The following ATRX variants were observed in gnomAD, a reference collection of about 807,000 sequenced individuals.
The protein encoded by ATRX is chromatin remodeler ATRX.
ATRX carries 12 observed loss-of-function variants against 172.6 expected under a neutral mutation model. The ratio of observed to expected loss-of-function variants is 0.07; its 90% CI spans 0.04 to 0.11. The LOEUF (loss-of-function observed/expected upper bound fraction) is 0.11. ATRX is among the 10% of genes least tolerant of loss of function. The probability of loss-of-function intolerance (pLI) is 1.00; values close to 1 mark genes in which losing one functional copy is unlikely to be tolerated. For missense variants in ATRX, 1,368 were observed against 1,767.4 expected, an observed-to-expected ratio of 0.77 and a Z score of 4.05; for synonymous variants, 674 against 594.7, an observed-to-expected ratio of 1.13 and a Z score of -1.94.
At chrX:77,767,677 G>A (rs1409801295) in intron 1 of ATRX, among the ~76,000 whole-genome samples, 2 of 111,449 alleles carry the variant, frequency 1.8e-5, no homozygotes, top group Non-Finnish European at 3.8e-5. Flanking sequence ...TTACAGCCAT[G>A]AGCCCCAGTG....
At chrX:77,665,238 T>C (rs2070168263) in intron 10 of ATRX, among the ~76,000 whole-genome samples, 1 of 112,475 alleles carries the variant, frequency 8.9e-6, no homozygotes. Flanking sequence ...CAATGTGTAA[T>C]AAACCACTAT....
intron 27 of ATRX, among the ~76,000 whole-genome samples, chrX:77,582,406 A>T (rs1557074523): frequency 9.0e-6 from 1 of 110,910 alleles, no homozygotes; most frequent in African/African-American, 3.3e-5. Flanking sequence ...TCTCAAAAAA[A>T]AAGAAAAAAA....
intron 1 of ATRX, among the ~76,000 whole-genome samples, chrX:77,758,609 T>A (rs782422064): frequency 9.2e-6 from 1 of 108,754 alleles, no homozygotes; most frequent in Admixed American, 9.9e-5. Context: ...TACAAAAAAA[T>A]TAGCCGGGTG....
At chrX:77,755,909 A>C (rs2148892569) in intron 1 of ATRX, among the ~76,000 whole-genome samples, 1 of 112,401 alleles carries the variant, frequency 8.9e-6, no homozygotes, top group East Asian at 2.8e-4. Context: ...CTTCAGACCT[A>C]GCAGGCAGGA....
At chrX:77,706,144 G>A (rs1313955621) in intron 2 of ATRX, among the ~76,000 whole-genome samples, 8 of 106,743 alleles carry the variant, frequency 7.5e-5, no homozygotes, top group Admixed American at 7.1e-4. Flanking sequence ...ACACCACTAC[G>A]CCTGGCTTTT....
chrX:77,546,706 A>T (rs1397899447), intron 30 of ATRX, among the ~76,000 whole-genome samples: 1 of 110,831 alleles, frequency 9.0e-6, no homozygotes, highest in African/African-American at 3.3e-5. Flanking sequence ...CTGATCCTGA[A>T]CTCCTGGATT....
At chrX:77,654,551 A>G (rs1003071983) in intron 13 of ATRX, among the ~76,000 whole-genome samples, 1 of 111,696 alleles carries the variant, frequency 9.0e-6, no homozygotes, top group Admixed American at 9.5e-5. Context: ...TGTTTTCTTC[A>G]TAACAGGTCA....
chrX:77,593,655 C>G lies in ATRX; in HGVS notation c.6110+41G>C, dbSNP rs1217053699. Reference sequence around the variant, plus strand: ...ATTGTTTAAGCAATAAAAACATAATCAAAAGGTTAATTTATATAATAAATA... The same window carrying G: ...ATTGTTTAAGCAATAAAAACATAATGAAAAGGTTAATTTATATAATAAATA... On this transcript the variant is annotated intron_variant, in intron 26 of 34. Transcript: ENST00000373344. The G allele has an allele frequency of 2.6e-6, 3 of 1,146,803 alleles. No homozygotes were observed. The African/African-American group carries it at 5.4e-5, about 21-fold the overall frequency. The allele number at this position is 1,146,803 out of a possible 1,213,427, so 94.5% of individuals were successfully genotyped here.
intron 34 of ATRX, among the ~76,000 whole-genome samples, chrX:77,512,173 A>AT (rs2062891616): frequency 8.9e-6 from 1 of 111,862 alleles, no homozygotes; most frequent in South Asian, 3.8e-4. Flanking sequence ...GTGACATGAG[A>AT]TATTTAAAAG....
At chrX:77,586,405 G>A (rs1309222268) in intron 27 of ATRX, among the ~76,000 whole-genome samples, 4 of 112,053 alleles carry the variant, frequency 3.6e-5, no homozygotes, top group African/African-American at 9.7e-5. Context: ...AAGATAGTGC[G>A]GGTGGAGAGA....
rs1172712102 is a variant in ATRX, at chrX:77,505,899, T to C, written c.*2452A>G. On this transcript the variant is annotated 3_prime_UTR_variant, in exon 35 of 35. Transcript: ENST00000373344. ...GGAAGAAGTGACATCTTTTCTACAG[T>C]ACTTAAGATACTCAATACAGAACTG... 3 of 168,022 alleles carry C rather than the reference T, an allele frequency of 1.8e-5. No individual in the cohort carries two copies. Among genetic ancestry groups the C allele is most frequent in the Non-Finnish European group, 3.4e-5 (3 of 87,433 alleles). 13.8% of individuals were successfully genotyped at this position (168,022 alleles called of 1,213,427 possible).
intron 15 of ATRX, among the ~76,000 whole-genome samples, chrX:77,646,327 G>C (rs1402233536): frequency 9.0e-6 from 1 of 111,610 alleles, no homozygotes; most frequent in Non-Finnish European, 1.9e-5. Flanking sequence ...ATAGACATCA[G>C]ACAAAATAGA....
At chrX:77,688,352 G>C (rs371982113) in intron 7 of ATRX, among the ~76,000 whole-genome samples, 1 of 112,267 alleles carries the variant, frequency 8.9e-6, no homozygotes, top group Admixed American at 9.4e-5. Context: ...TCATCTCCAA[G>C]TTATGTCAAA....
intron 1 of ATRX, among the ~76,000 whole-genome samples, chrX:77,726,185 G>A (rs1354393259): frequency 1.8e-5 from 2 of 110,852 alleles, no homozygotes; most frequent in Non-Finnish European, 3.8e-5. Flanking sequence ...TATGTTTATT[G>A]CAGCACTATT....
chrX:77,522,105 TG>T, intron 32 of ATRX, 157 bp downstream of exon 32: 1 of 660,624 alleles, frequency 1.5e-6, no homozygotes, highest in Non-Finnish European at 2.4e-6. Flanking sequence ...AACATCATGT[TG>T]GTTCAAAACG....
rs148975763 is a variant in ATRX, at chrX:77,635,979, G to C, written c.4635C>G (p.Thr1545=). ...TATGAACCTGCACTAAAGGTTCTTT[G>C]GTTTCTTCATCTTCATCTAAAACCA... The part of the protein sequence containing the change: ...TKLVLDEDEE[T]KEPLVQVHRN... Residue 1545 remains threonine, a synonymous_variant, in exon 16 of 35, where the codon ACC becomes ACG. Transcript: ENST00000373344. The C allele has an allele frequency of 3.3e-6, 4 of 1,207,770 alleles. No homozygotes were observed. The highest frequency in any genetic ancestry group is 4.5e-6 in the Non-Finnish European group (4 of 892,318).
chrX:77,522,220 G>A (rs2147746824), intron 32 of ATRX, 43 bp downstream of exon 32: 1 of 1,206,477 alleles, frequency 8.3e-7, no homozygotes, highest in South Asian at 1.8e-5. Context: ...ACTTGAAATT[G>A]CCTTTAATTC....
Position 77,632,993 on chromosome X carries a change from C to A in ATRX, c.5134+214G>T, listed in dbSNP as rs782463657. On this transcript the variant is annotated intron_variant, in intron 19 of 34. Transcript: ENST00000373344. ...AAGGTATCCCCTAAAACCCTAAACA[C>A]TTTCAGACTCAGCAAATAAATTCTG... 1.1e-4 allele frequency among the ~76,000 whole-genome samples: 12 copies of A among 111,936 alleles called. No homozygotes were observed. In the South Asian group the frequency reaches 4.5e-3, roughly 42 times the overall value.
intron 30 of ATRX, among the ~76,000 whole-genome samples, chrX:77,542,631 T>C (rs1197879982): frequency 9.0e-6 from 1 of 111,070 alleles, no homozygotes; most frequent in Non-Finnish European, 1.9e-5. Context: ...TATAGACCAA[T>C]GGAACAAAAC....
Sources: allele counts gnomAD v4.1 joint callset (sites outside exome capture counted in the v4.1 genomes callset), GRCh38; gene constraint gnomAD v4.1.1; transcripts MANE v1.5; gene names NCBI Gene and HGNC (gene_info 2026-07-23, HGNC 2026-07-21).